The following NUP155 variants were observed in gnomAD, a reference collection of about 807,000 sequenced individuals.
NUP155 encodes nucleoporin 155.
Under a neutral mutation model 180.4 loss-of-function variants are expected in NUP155, and 71 were observed. The observed-to-expected ratio is 0.39, with a 90% confidence interval of 0.33 to 0.48. The LOEUF is 0.48. NUP155 is among the 20% of genes least tolerant of loss of function. The pLI is 0.91. For missense variants in NUP155, 1,553 were observed against 1,648.9 expected, an observed-to-expected ratio of 0.94 and a Z score of 1.01; for synonymous variants, 582 against 559.5, an observed-to-expected ratio of 1.04 and a Z score of -0.57.
chr5:37,354,970 T>C (rs1746718066), intron 4 of NUP155, among the ~76,000 whole-genome samples: 1 of 151,614 alleles, frequency 6.6e-6, no homozygotes, highest in Non-Finnish European at 1.5e-5. Flanking sequence ...CGGGCGCCTG[T>C]AATCCCAGCT....
At chr5:37,343,169 G>T (rs1745850843) in intron 9 of NUP155, among the ~76,000 whole-genome samples, 1 of 151,980 alleles carries the variant, frequency 6.6e-6, no homozygotes, top group African/African-American at 2.4e-5. Context: ...CCACCTGCCA[G>T]GTTCACGCCA....
chr5:37,336,578 G>A (rs137991149), intron 12 of NUP155, among the ~76,000 whole-genome samples: 21 of 152,206 alleles, frequency 1.4e-4, no homozygotes, highest in African/African-American at 4.8e-4. Flanking sequence ...TATTATAGAG[G>A]AAGAAACAGA....
chr5:37,319,219 A>C (rs1472841937), intron 20 of NUP155, among the ~76,000 whole-genome samples: 1 of 152,200 alleles, frequency 6.6e-6, no homozygotes, highest in Non-Finnish European at 1.5e-5. Context: ...GCTAATGGAC[A>C]TGAGGTATGT....
rs768050540 is a variant in NUP155 at position 37,351,374 on chromosome 5, C to T, written c.557-18G>A. On this transcript the variant is annotated intron_variant, in intron 5 of 34. Coordinates refer to ENST00000231498, the MANE Select transcript of NUP155 (RefSeq NM_153485.3). The stretch of plus-strand genomic sequence containing the variant: ...TCCAGAACCTATTTAAGAAAGAATA[C>T]ATAAATCAGTTTATTAGCTACTCCA... The T allele has an allele frequency of 1.3e-6, 2 of 1,583,498 alleles. No homozygotes were observed. The highest frequency in any genetic ancestry group is 2.2e-5 in the East Asian group (1 of 44,626).
chr5:37,309,337 T>A (rs1743380853), intron 23 of NUP155, 70 bp from the exon 24 acceptor site: 1 of 1,257,262 alleles, frequency 8.0e-7, no homozygotes, highest in African/African-American at 1.5e-5. Context: ...GTCAACTAAG[T>A]TTTAGTCTAT....
rs1742137407 is a variant in NUP155, at chr5:37,289,119, T to C, written c.*2781A>G. 1.3e-5 allele frequency: 2 copies of C among 159,924 alleles called. No individual in the cohort carries two copies. The highest frequency in any genetic ancestry group is 2.0e-4 in the South Asian group (1 of 5,060). 9.9% of individuals were successfully genotyped at this position (159,924 alleles called of 1,614,324 possible). A position where few individuals can be genotyped will look rare whatever the true frequency, so the allele number is the denominator to read the frequency against. On this transcript the variant is annotated 3_prime_UTR_variant, in exon 35 of 35. Transcript: ENST00000231498. ...AAGATTGTGCCATTGCACTCCAGCC[T>C]GGGCAACAAGAGCAAAACTCAGTCT...
In NUP155 at chr5:37,346,409, C is replaced by T. The variant is rs777789679; in HGVS notation, c.995+2096G>A. Among the ~76,000 whole-genome samples, 11 of 152,052 alleles carry T rather than the reference C, an allele frequency of 7.2e-5. 1 individual carries two copies. In the South Asian group the frequency reaches 1.2e-3, roughly 17 times the overall value. ...TTTGCAGGTGGGGTGCAGTGGCTCA[C>T]GCCTGTAATCCCAGCACTTCGGGAG... is the stretch of plus-strand genomic sequence containing the variant. On this transcript the variant is annotated intron_variant, in intron 9 of 34. Transcript: ENST00000231498.
At chr5:37,356,715 G>A (rs1346285055) in intron 4 of NUP155, among the ~76,000 whole-genome samples, 2 of 151,630 alleles carry the variant, frequency 1.3e-5, no homozygotes, top group East Asian at 3.9e-4. Context: ...CAGTAACCCT[G>A]ATAAGAGATT....
At chr5:37,348,378 T>C (rs1417771064) in intron 9 of NUP155, 127 bp downstream of exon 9, 3 of 716,558 alleles carry the variant, frequency 4.2e-6, no homozygotes, top group African/African-American at 1.8e-5. Context: ...TAGAGTGTCA[T>C]CTCTTCAACA....
chr5:37,307,168 A>C (rs1743205779), intron 25 of NUP155, 129 bp downstream of exon 25: 5 of 875,496 alleles, frequency 5.7e-6, no homozygotes, highest in Non-Finnish European at 8.8e-6. Flanking sequence ...ACTGCACTCC[A>C]GCCCAGGTGA....
chr5:37,333,611 T>C lies in NUP155; in HGVS notation c.1370A>G (p.His457Arg), dbSNP rs1745120514. The change falls in exon 13 of 35, where the codon CAT (histidine) becomes CGT (arginine). Residue 457 changes from histidine to arginine, a missense_variant. Physicochemically the swap from His to Arg is conservative, Grantham distance 29. Coordinates refer to ENST00000231498, the MANE Select transcript of NUP155 (RefSeq NM_153485.3). ...ATCTATCGCAGAAAGAGCCCAGGAA[T>C]GACCATCAACACCAGCTGTCATCTA... The part of the protein sequence containing the change: ...ETQMTAGVDG[H>R]SWALSAIDEL... 2 of 1,613,648 alleles carry C rather than the reference T, an allele frequency of 1.2e-6. No homozygotes were observed. The highest frequency in any genetic ancestry group is 1.7e-6 in the Non-Finnish European group (2 of 1,179,766).
chr5:37,327,813 T>TA, intron 17 of NUP155, 37 bp from the exon 18 acceptor site: 1 of 1,604,408 alleles, frequency 6.2e-7, no homozygotes, highest in Non-Finnish European at 8.5e-7. Flanking sequence ...CTCTTAATCT[T>TA]AATCTTAGAA....
At chr5:37,339,310 A>G (rs1271266282) in intron 11 of NUP155, among the ~76,000 whole-genome samples, 1 of 150,394 alleles carries the variant, frequency 6.6e-6, no homozygotes, top group Non-Finnish European at 1.5e-5. Context: ...ACTGTCTCAA[A>G]AAAAAAAAAA....
chr5:37,331,533 C>T, intron 14 of NUP155, 152 bp downstream of exon 14: 1 of 420,504 alleles, frequency 2.4e-6, no homozygotes, highest in Middle Eastern at 6.9e-4. Flanking sequence ...AAGATTGCGC[C>T]ATTGCACTCC....
At chr5:37,325,763 T>A (rs1744553609) in intron 19 of NUP155, 138 bp downstream of exon 19, 3 of 580,620 alleles carry the variant, frequency 5.2e-6, no homozygotes, top group Non-Finnish European at 5.8e-6. Context: ...AGCAGGACTC[T>A]GTCTCAAAAA....
chr5:37,298,748 G>C, intron 32 of NUP155, 120 bp downstream of exon 32: 1 of 697,820 alleles, frequency 1.4e-6, no homozygotes, highest in Non-Finnish European at 2.6e-6. Flanking sequence ...CAGAATTAAA[G>C]TGCTGAACTA....
intron 24 of NUP155, among the ~76,000 whole-genome samples, chr5:37,308,816 G>C (rs1743333295): frequency 6.8e-6 from 1 of 147,944 alleles, no homozygotes; most frequent in Non-Finnish European, 1.5e-5. Flanking sequence ...GGAGGCAGAG[G>C]ATGCAGTGAG....
chr5:37,346,677 C>A (rs217780), intron 9 of NUP155, among the ~76,000 whole-genome samples: 48,086 of 145,112 alleles, frequency 0.33, 11,996 homozygotes, highest in African/African-American at 0.73. Flanking sequence ...GTCTCGGAAA[C>A]AAAAAAAAAA....
intron 9 of NUP155, among the ~76,000 whole-genome samples, chr5:37,344,871 C>CAAA (rs34103075): frequency 1.2e-4 from 9 of 75,278 alleles, no homozygotes; most frequent in African/African-American, 3.4e-4. Context: ...GACTCCATCT[C>CAAA]AAAAAAAAAA....
Sources: gnomAD v4.1 joint callset for allele counts (sites outside exome capture counted in the v4.1 genomes callset) on GRCh38, gnomAD v4.1.1 for gene constraint, MANE v1.5 for transcripts, NCBI Gene and HGNC (gene_info 2026-07-23, HGNC 2026-07-21) for gene names.